Variants in GNAQ observed in about 807,000 individuals in gnomAD.
GNAQ encodes the protein G protein subunit alpha q, also known as guanine nucleotide-binding protein G(q) subunit alpha.
A neutral mutation model predicts 43.9 loss-of-function variants in GNAQ; 8 were observed. The observed-to-expected ratio is 0.18, with a 90% CI of 0.11 to 0.33. The LOEUF is 0.33. GNAQ is among the 10% of genes least tolerant of loss of function. The pLI is 1.00. For synonymous variants in GNAQ, 155 were observed against 170.7 expected, an observed-to-expected ratio of 0.91 and a Z score of 0.71; for missense variants, 158 against 450.8, an observed-to-expected ratio of 0.35 and a Z score of 5.88.
At chr9:77,909,888 TATC>T (rs1828771350) in intron 2 of GNAQ, among the ~76,000 whole-genome samples, 1 of 152,138 alleles carries the variant, frequency 6.6e-6, no homozygotes, top group Non-Finnish European at 1.5e-5. Flanking sequence ...AAAGGAAAAG[TATC>T]ATAATATAAC....
chr9:77,779,657 G>C (rs1294425387), intron 5 of GNAQ, among the ~76,000 whole-genome samples: 13 of 113,418 alleles, frequency 1.1e-4, no homozygotes, highest in Admixed American at 2.9e-4. Flanking sequence ...TACGCCTTTA[G>C]CCAGGTTAAC....
Position 77,761,848 on chromosome 9 carries a change from T to TG in GNAQ, c.735+32614dup, listed in dbSNP as rs559843582. Among the ~76,000 whole-genome samples the TG allele has an allele frequency of 3.1e-3, 76 of 24,894 alleles. 4 individuals carry two copies. The highest frequency in any genetic ancestry group is 0.021 in the Admixed American group (64 of 2,990). The allele number at this position is 24,894 out of a possible 152,430, so 16.3% of individuals were successfully genotyped here. A position where few individuals can be genotyped will look rare whatever the true frequency, so the allele number is the denominator to read the frequency against. ...CCAGCCGCCCCGTCCGGGAGGGAGG[T>TG]GGGGGGGGTCAGCCCCCCGCCTGGC... On this transcript the variant is annotated intron_variant, in intron 5 of 6. Transcript: ENST00000286548.
intron 1 of GNAQ, among the ~76,000 whole-genome samples, chr9:77,928,729 T>C (rs1437599162): frequency 1.3e-5 from 2 of 152,176 alleles, no homozygotes; most frequent in African/African-American, 4.8e-5. Context: ...TTTAAAATGG[T>C]AAATTTTAGG....
intron 1 of GNAQ, among the ~76,000 whole-genome samples, chr9:77,976,838 T>C (rs1014981820): frequency 1.3e-5 from 2 of 152,218 alleles, no homozygotes; most frequent in African/African-American, 4.8e-5. Context: ...CTGCTCTCCA[T>C]ACATGGCAAC....
chr9:77,766,211 A>G (rs535502998), intron 5 of GNAQ, among the ~76,000 whole-genome samples: 1 of 152,266 alleles, frequency 6.6e-6, no homozygotes, highest in South Asian at 2.1e-4. Context: ...TAAATAGTAA[A>G]TTTTATATAT....
intron 1 of GNAQ, among the ~76,000 whole-genome samples, chr9:77,991,550 C>T (rs2118523265): frequency 6.6e-6 from 1 of 151,820 alleles, no homozygotes; most frequent in Non-Finnish European, 1.5e-5. Flanking sequence ...TTCAGTATTC[C>T]CCTCCCTCCT....
intron 2 of GNAQ, among the ~76,000 whole-genome samples, chr9:77,887,857 T>A (rs1828336333): frequency 6.6e-6 from 1 of 152,214 alleles, no homozygotes; most frequent in Admixed American, 6.5e-5. Flanking sequence ...AATCATTTTG[T>A]CCACACCCTT....
rs936975668 is a variant in GNAQ at position 77,955,392 on chromosome 9, C to T, written c.137-33047G>A. On this transcript the variant is annotated intron_variant, in intron 1 of 6. Coordinates refer to ENST00000286548, the MANE Select transcript of GNAQ (RefSeq NM_002072.5). The stretch of plus-strand genomic sequence containing the variant: ...TCCTGACCTTGTGATCCACCTGCCT[C>T]GGCCTCCCAAAGTGCTGGGATTACA... Among the ~76,000 whole-genome samples the T allele has an allele frequency of 3.9e-5, 6 of 152,256 alleles. No homozygotes were observed. In the South Asian group the frequency reaches 1.2e-3, roughly 32 times the overall value.
chr9:77,863,031 G>T (rs1031116562), intron 2 of GNAQ, among the ~76,000 whole-genome samples: 3 of 152,044 alleles, frequency 2.0e-5, no homozygotes, highest in South Asian at 2.1e-4. Context: ...AAAATTAGCC[G>T]GGTGTGGTGG....
intron 1 of GNAQ, among the ~76,000 whole-genome samples, chr9:77,947,348 A>G (rs575512614): frequency 1.3e-5 from 2 of 152,294 alleles, no homozygotes; most frequent in South Asian, 4.1e-4. Flanking sequence ...GAGGGCCCCA[A>G]CTTAAAACGA....
At chr9:77,996,536 G>T (rs759203640) in intron 1 of GNAQ, among the ~76,000 whole-genome samples, 32 of 152,152 alleles carry the variant, frequency 2.1e-4, no homozygotes, top group Non-Finnish European at 4.1e-4. Context: ...AAGTTAGCCA[G>T]GCATGGTGGC....
chr9:77,731,558 A>C (rs1044944988), intron 5 of GNAQ, among the ~76,000 whole-genome samples: 2 of 152,218 alleles, frequency 1.3e-5, no homozygotes, highest in Admixed American at 6.5e-5. Flanking sequence ...ATCAACTTTC[A>C]ACCAGGCCTG....
intron 2 of GNAQ, among the ~76,000 whole-genome samples, chr9:77,844,607 C>T (rs1247902060): frequency 6.6e-6 from 1 of 152,140 alleles, no homozygotes; most frequent in South Asian, 2.1e-4. Flanking sequence ...CAATATACTA[C>T]CTGCTGTGTG....
At chr9:78,025,216 A>G (rs192001552) in intron 1 of GNAQ, among the ~76,000 whole-genome samples, 1 of 152,310 alleles carries the variant, frequency 6.6e-6, no homozygotes, top group East Asian at 1.9e-4. Flanking sequence ...ATCAAAGGTG[A>G]TTGTTGAACA....
chr9:77,775,353 T>C (rs1826290430), intron 5 of GNAQ, among the ~76,000 whole-genome samples: 1 of 151,950 alleles, frequency 6.6e-6, no homozygotes, highest in African/African-American at 2.4e-5. Context: ...TGGCAGATTG[T>C]ACCAATTTAT....
intron 2 of GNAQ, among the ~76,000 whole-genome samples, chr9:77,820,349 C>T (rs968695467): frequency 6.6e-6 from 1 of 152,144 alleles, no homozygotes; most frequent in Non-Finnish European, 1.5e-5. Flanking sequence ...TTCATTAGAA[C>T]CTGAACCCTG....
chr9:77,762,335 T>C (rs1395500556), intron 5 of GNAQ, among the ~76,000 whole-genome samples: 23 of 124,476 alleles, frequency 1.8e-4, no homozygotes, highest in African/African-American at 6.6e-4. Context: ...CCGCCCCACC[T>C]GGGAGGTGAG....
chr9:77,856,848 A>G (rs527977255), intron 2 of GNAQ, among the ~76,000 whole-genome samples: 2 of 152,356 alleles, frequency 1.3e-5, no homozygotes, highest in African/African-American at 4.8e-5. Context: ...TCATGAAATA[A>G]GTAAGAGAAA....
chr9:77,916,883 C>A (rs1035963032), intron 2 of GNAQ, among the ~76,000 whole-genome samples: 1 of 152,134 alleles, frequency 6.6e-6, no homozygotes, highest in Non-Finnish European at 1.5e-5. Context: ...TTTTCTCTTC[C>A]CAGGACTGGC....
Sources: gnomAD v4.1 joint callset for allele counts (sites outside exome capture counted in the v4.1 genomes callset) on GRCh38, gnomAD v4.1.1 for gene constraint, MANE v1.5 for transcripts, NCBI Gene and HGNC (gene_info 2026-07-23, HGNC 2026-07-21) for gene names.